Variants in ERICH2 observed in about 807,000 individuals in gnomAD.
ERICH2 encodes the protein glutamate rich 2.
ERICH2 carries 17 observed loss-of-function variants against 17.4 expected under a neutral mutation model. That is an observed-to-expected ratio of 0.98 (90% CI 0.67 to 1.47). The LOEUF (loss-of-function observed/expected upper bound fraction) is 1.47, where lower values mean the gene tolerates loss of function less well. ERICH2 is among the 40% of genes most tolerant of loss of function. The pLI is 0.00. For synonymous variants in ERICH2, 51 were observed against 61.1 expected (o/e 0.83, Z 0.77); for missense variants, 186 against 183.2 (o/e 1.01, Z -0.09).
At chr2:170,785,410 A>C (rs1701136465) in intron 2 of ERICH2, among the ~76,000 whole-genome samples, 1 of 152,144 alleles carries the variant, frequency 6.6e-6, no homozygotes, top group African/African-American at 2.4e-5. Context: ...CTGAGGCAGG[A>C]GTAAGAGAAG....
At chr2:170,789,163 C>T (rs1701225337) in intron 2 of ERICH2, among the ~76,000 whole-genome samples, 1 of 151,206 alleles carries the variant, frequency 6.6e-6, no homozygotes, top group South Asian at 2.1e-4. Flanking sequence ...TCGGGTTTCA[C>T]CATGTTGGCC....
chr2:170,793,937 C>T (rs1286373105), intron 3 of ERICH2, among the ~76,000 whole-genome samples: 1 of 151,786 alleles, frequency 6.6e-6, no homozygotes, highest in Non-Finnish European at 1.5e-5. Context: ...TTTCAAATAC[C>T]ACTTCTAGTC....
chr2:170,780,977 A>G (rs558184577), upstream of ERICH2, among the ~76,000 whole-genome samples: 1 of 152,326 alleles, frequency 6.6e-6, no homozygotes, highest in South Asian at 2.1e-4. Flanking sequence ...TTCTGTCACA[A>G]TTAGAAGATC....
Position 170,784,829 on chromosome 2 carries a change from C to A in ERICH2, c.212C>A (p.Ala71Glu), listed in dbSNP as rs1701118341. 3 of 1,457,846 alleles carry A rather than the reference C, an allele frequency of 2.1e-6. 1 individual carries two copies. Among genetic ancestry groups the A allele is most frequent in the East Asian group, 5.1e-5 (2 of 39,002 alleles). The allele number at this position is 1,457,846 out of a possible 1,614,324, so 90.3% of individuals were successfully genotyped here. The change falls in exon 2 of 5, where the codon GCA becomes GAA. Residue 71 changes from alanine to glutamate, a missense_variant. Ala to Glu is a moderately radical substitution (Grantham distance 107). Transcript: ENST00000409885. ...ACTCAGGCCCCACTAGAGTTAATGG[C>A]AGAAGTAAGTTTTACTTGTGCATAT...
upstream of ERICH2, among the ~76,000 whole-genome samples, chr2:170,781,573 C>T (rs1701028964): frequency 1.3e-5 from 2 of 149,924 alleles, no homozygotes; most frequent in Admixed American, 6.7e-5. Context: ...GCAGAGGTTG[C>T]AGTGAGCCGA....
At chr2:170,782,702 T>C (rs1374760687), upstream of ERICH2, among the ~76,000 whole-genome samples, 1 of 152,234 alleles carries the variant, frequency 6.6e-6, no homozygotes, top group Admixed American at 6.5e-5. Context: ...TTAGAGGCTA[T>C]GGATACAAAA....
At position 170,792,884 on chromosome 2, in the gene ERICH2, C is replaced by T. The variant is rs1264626162; in HGVS notation, c.238C>T (p.Arg80Ter). ...CCAGTTTCTGAGAGCAGAAATGGCCCGAGAGTACCAGCTGGCAAAAAAATT... is the reference window on the plus strand; with the variant it reads ...CCAGTTTCTGAGAGCAGAAATGGCCTGAGAGTACCAGCTGGCAAAAAAATT... Residue 80 changes from arginine (R) to a stop codon, truncating the protein, a stop_gained, in exon 3 of 5, where the codon CGA becomes TGA. Coordinates refer to ENST00000409885, the Ensembl canonical transcript of ERICH2. LOFTEE classifies it high-confidence loss of function. 14 of 1,510,256 alleles carry T rather than the reference C, an allele frequency of 9.3e-6. No individual in the cohort carries two copies. The highest frequency in any genetic ancestry group is 1.2e-5 in the Non-Finnish European group (13 of 1,122,250). The allele number at this position is 1,510,256 out of a possible 1,614,324, so 93.6% of individuals were successfully genotyped here. A position where few individuals can be genotyped will look rare whatever the true frequency, so the allele number is the denominator to read the frequency against.
chr2:170,789,808 G>A (rs563118279), intron 2 of ERICH2, among the ~76,000 whole-genome samples: 54 of 152,214 alleles, frequency 3.5e-4, no homozygotes, highest in African/African-American at 1.2e-3. Context: ...CTACATATTA[G>A]ATAATATTAA....
chr2:170,781,641 A>T (rs1006917437), upstream of ERICH2, among the ~76,000 whole-genome samples: 2 of 151,986 alleles, frequency 1.3e-5, no homozygotes, highest in African/African-American at 4.8e-5. Flanking sequence ...TAAAAAAAAA[A>T]AAAAAAAGAC....
At chr2:170,792,639 G>C (rs1701316420) in intron 2 of ERICH2, among the ~76,000 whole-genome samples, 1 of 152,178 alleles carries the variant, frequency 6.6e-6, no homozygotes. Context: ...ACACAGTATG[G>C]CTGCAGGAAA....
chr2:170,773,128 AT>A, the ERICH2 span, among the ~76,000 whole-genome samples: 1 of 152,150 alleles, frequency 6.6e-6, no homozygotes, highest in South Asian at 2.1e-4. Flanking sequence ...CTAAACTACA[AT>A]TTCTGAATCT....
intron 3 of ERICH2, among the ~76,000 whole-genome samples, chr2:170,796,397 A>G (rs991215469): frequency 1.7e-4 from 26 of 149,670 alleles, no homozygotes; most frequent in African/African-American, 5.9e-4. Flanking sequence ...TAATTGAACA[A>G]TCCACAATGG....
the ERICH2 span, chr2:170,771,271 C>G: frequency 2.0e-5 from 3 of 152,998 alleles, no homozygotes; most frequent in Non-Finnish European, 2.9e-5. This position sits in a 1 kb window ranked among gnomAD's most constrained non-coding sequence, Gnocchi z 4.8. Context: ...AGACCACCCC[C>G]AGACCGGGCG....
the ERICH2 span, among the ~76,000 whole-genome samples, chr2:170,773,504 T>A: frequency 2.0e-5 from 3 of 152,220 alleles, no homozygotes; most frequent in African/African-American, 7.2e-5. Flanking sequence ...ATTCCTCAGT[T>A]TGGGCAGTAT....
intron 2 of ERICH2, among the ~76,000 whole-genome samples, chr2:170,785,768 G>C (rs1221416000): frequency 6.6e-6 from 1 of 152,002 alleles, no homozygotes; most frequent in African/African-American, 2.4e-5. Context: ...AGGCATTACT[G>C]GCATCAGAAA....
At chr2:170,792,615 G>T (rs2105715130) in intron 2 of ERICH2, among the ~76,000 whole-genome samples, 1 of 152,242 alleles carries the variant, frequency 6.6e-6, no homozygotes, top group South Asian at 2.1e-4. Context: ...TTCTCAAATT[G>T]TTCAGTAGTA....
At chr2:170,785,156 T>C (rs1701128448) in intron 2 of ERICH2, among the ~76,000 whole-genome samples, 1 of 152,176 alleles carries the variant, frequency 6.6e-6, no homozygotes, top group Non-Finnish European at 1.5e-5. Context: ...AAGATAAGTG[T>C]TTAAGATGAT....
intron 3 of ERICH2, among the ~76,000 whole-genome samples, chr2:170,797,439 C>T (rs1312982595): frequency 2.0e-5 from 3 of 152,140 alleles, no homozygotes; most frequent in Admixed American, 6.5e-5. Flanking sequence ...AACACTCTGG[C>T]TACTGTCCTA....
In ERICH2 at chr2:170,783,829, T is replaced by C. The variant is rs1323462851; in HGVS notation, c.-10T>C. The C allele has an allele frequency of 2.4e-5, 37 of 1,550,360 alleles. 1 individual carries two copies. The highest frequency in any genetic ancestry group is 1.7e-4 in the Middle Eastern group (1 of 6,014). On this transcript the variant is annotated 5_prime_UTR_variant, in exon 1 of 5. Transcript: ENST00000409885. ...GGTGCACACTGGACAGTCAGGGTGG[T>C]TGTGAGCTGATGGAGACTGTAAATG... is the stretch of plus-strand genomic sequence containing the variant.
Sources: gnomAD v4.1 joint callset for allele counts (sites outside exome capture counted in the v4.1 genomes callset) on GRCh38, gnomAD v4.1.1 for gene constraint, Gnocchi (gnomAD v3.1) non-coding constraint, MANE v1.5 for transcripts, NCBI Gene and HGNC (gene_info 2026-07-23, HGNC 2026-07-21) for gene names.